The following VPS45 variants were observed in gnomAD, a reference collection of about 807,000 sequenced individuals.
VPS45 encodes the protein vacuolar protein sorting 45 homolog.
Under a neutral mutation model 75.9 loss-of-function variants are expected in VPS45, and 35 were observed. That is an observed-to-expected ratio of 0.46 (90% CI 0.35 to 0.61). The LOEUF (loss-of-function observed/expected upper bound fraction) is 0.61. Among genes scored for constraint, VPS45 ranks in the 20% least tolerant of loss-of-function variants. VPS45 has a pLI of 0.00. For missense variants in VPS45, 559 were observed against 685.9 expected (o/e 0.81, Z 2.07); for synonymous variants, 220 against 238.2 (o/e 0.92, Z 0.70).
chr1:150,118,155 G>A (rs1345524751), intron 14 of VPS45, among the ~76,000 whole-genome samples: 1 of 149,864 alleles, frequency 6.7e-6, no homozygotes, highest in African/African-American at 2.4e-5. Flanking sequence ...GTGATGGTGT[G>A]TGCCTGTAAT....
intron 10 of VPS45, among the ~76,000 whole-genome samples, chr1:150,089,361 A>G (rs1201598787): frequency 6.6e-6 from 1 of 151,976 alleles, no homozygotes; most frequent in Non-Finnish European, 1.5e-5. Context: ...ATTTTTTAAA[A>G]TTTTTATTTA....
At chr1:150,118,974 G>C (rs1186666077) in intron 14 of VPS45, among the ~76,000 whole-genome samples, 1 of 152,132 alleles carries the variant, frequency 6.6e-6, no homozygotes, top group Non-Finnish European at 1.5e-5. Context: ...AATATTAGTT[G>C]ATTTTTGCAA....
chr1:150,069,746 G>A lies in VPS45; in HGVS notation c.228+982G>A, dbSNP rs904664495. ...GCTGGGATTACAGGCGGGAGCCACC[G>A]TGCCCGGCTGTTATACTTTCTTGAT... On this transcript the variant is annotated intron_variant, in intron 2 of 14. Coordinates refer to ENST00000644510, the MANE Select transcript of VPS45 (RefSeq NM_007259.5). Among the ~76,000 whole-genome samples the A allele has an allele frequency of 5.3e-4, 80 of 152,078 alleles. 1 individual carries two copies. Among genetic ancestry groups the A allele is most frequent in the Non-Finnish European group, 2.2e-4 (15 of 68,018 alleles).
intron 13 of VPS45, among the ~76,000 whole-genome samples, chr1:150,108,611 CA>C (rs1214230279): frequency 1.4e-4 from 21 of 152,084 alleles, no homozygotes; most frequent in African/African-American, 4.6e-4. Flanking sequence ...GGGAAAAAAT[CA>C]AATATGAAAT....
intron 14 of VPS45, among the ~76,000 whole-genome samples, chr1:150,128,360 T>C (rs1265934916): frequency 6.6e-6 from 1 of 151,988 alleles, no homozygotes; most frequent in East Asian, 1.9e-4. Flanking sequence ...TTCATAACTA[T>C]CTGAAATGAT....
rs1659586702 is a variant in VPS45, at chr1:150,144,835, C to A, written c.*39C>A. 1 of 1,613,252 alleles carries A rather than the reference C, an allele frequency of 6.2e-7. No individual in the cohort carries two copies. On this transcript the variant is annotated 3_prime_UTR_variant, in exon 15 of 15. Coordinates refer to ENST00000644510, the MANE Select transcript of VPS45 (RefSeq NM_007259.5). ...GGAAGGGCACAGCTTCCTCTCTTGTCCCCACTACAGGTTTTCCCTACTAAA... is the reference window on the plus strand; with the variant it reads ...GGAAGGGCACAGCTTCCTCTCTTGTACCCACTACAGGTTTTCCCTACTAAA...
intron 14 of VPS45, among the ~76,000 whole-genome samples, chr1:150,140,567 T>C (rs1299930191): frequency 6.6e-6 from 1 of 151,764 alleles, no homozygotes; most frequent in Non-Finnish European, 1.5e-5. Context: ...ATAAATTCCA[T>C]GAGAGCAGAG....
Position 150,129,332 on chromosome 1 carries a change from A to G in VPS45, c.1626-15377A>G, listed in dbSNP as rs193018301. ...CCAATTTGTTTGTGCACTGTAACGTATATTTTTTAATTAAAAAAATAGCTT... is the reference window on the plus strand; with the variant it reads ...CCAATTTGTTTGTGCACTGTAACGTGTATTTTTTAATTAAAAAAATAGCTT... On this transcript the variant is annotated intron_variant, in intron 14 of 14. Transcript: ENST00000644510. Among the ~76,000 whole-genome samples, 1,083 of 152,272 alleles carry G rather than the reference A, an allele frequency of 7.1e-3. 6 individuals carry two copies. Among genetic ancestry groups the G allele is most frequent in the Non-Finnish European group, 0.011 (771 of 68,022 alleles).
chr1:150,126,205 G>T (rs1658509094), intron 14 of VPS45, among the ~76,000 whole-genome samples: 1 of 151,482 alleles, frequency 6.6e-6, no homozygotes, highest in Non-Finnish European at 1.5e-5. Flanking sequence ...TTGTTGTTGG[G>T]TTTTTGTTTT....
At chr1:150,093,991 T>C (rs924753063) in intron 13 of VPS45, among the ~76,000 whole-genome samples, 7 of 152,232 alleles carry the variant, frequency 4.6e-5, no homozygotes, top group Non-Finnish European at 1.0e-4. Flanking sequence ...GCTGCTTGAT[T>C]GCCATCCAGA....
chr1:150,140,769 C>T (rs587638915), intron 14 of VPS45, among the ~76,000 whole-genome samples: 47 of 152,176 alleles, frequency 3.1e-4, no homozygotes, highest in African/African-American at 1.1e-3. Context: ...TATCCTTGTG[C>T]CCCTAAAAGC....
At chr1:150,093,686 T>C (rs781907418) in intron 13 of VPS45, 38 bp downstream of exon 13, 2 of 1,591,798 alleles carry the variant, frequency 1.3e-6, no homozygotes, top group East Asian at 4.5e-5. Flanking sequence ...AAGCCAGAAA[T>C]ACTGAACAAA....
chr1:150,130,584 T>A (rs1658781862), intron 14 of VPS45, among the ~76,000 whole-genome samples: 2 of 152,192 alleles, frequency 1.3e-5, no homozygotes, highest in South Asian at 4.1e-4. Context: ...AACTGAATTA[T>A]ATTCTATTAA....
At position 150,077,719 on chromosome 1, in the gene VPS45, T is replaced by C; in HGVS notation, c.627T>C (p.Val209=). 6.2e-7 allele frequency: 1 copy of C among 1,614,104 alleles called. No individual in the cohort carries two copies. The highest frequency in any genetic ancestry group is 1.3e-5 in the African/African-American group (1 of 75,060). Residue 209 remains valine, a synonymous_variant, in exon 7 of 15, where the codon GTT becomes GTC. Transcript: ENST00000644510. The part of the protein sequence containing the change: ...YELFEFRRTE[V]PPLLLILDRC... Reference sequence around the variant, plus strand: ...TGTTTGAATTCCGTCGGACAGAGGTTCCTCCATTGCTCCTTATTTTAGATC... The same window carrying C: ...TGTTTGAATTCCGTCGGACAGAGGTCCCTCCATTGCTCCTTATTTTAGATC...
At chr1:150,107,320 T>A (rs781925964) in intron 13 of VPS45, among the ~76,000 whole-genome samples, 1 of 152,182 alleles carries the variant, frequency 6.6e-6, no homozygotes, top group Non-Finnish European at 1.5e-5. Context: ...ATGTCCTTTT[T>A]CTCAAACCTA....
intron 14 of VPS45, among the ~76,000 whole-genome samples, chr1:150,120,074 C>T (rs1658154888): frequency 6.6e-6 from 1 of 151,310 alleles, no homozygotes; most frequent in Non-Finnish European, 1.5e-5. Context: ...CGCCATCGCA[C>T]TCCAGCCTGG....
intron 14 of VPS45, 68 bp from the exon 15 acceptor site, chr1:150,144,641 G>A (rs923377430): frequency 1.2e-5 from 17 of 1,390,266 alleles, no homozygotes; most frequent in Non-Finnish European, 4.0e-6. Flanking sequence ...TAGATGTCCA[G>A]AGCAAGACAT....
chr1:150,125,247 G>A (rs190780028), intron 14 of VPS45, among the ~76,000 whole-genome samples: 2 of 150,754 alleles, frequency 1.3e-5, no homozygotes, highest in African/African-American at 2.4e-5. Context: ...TAGCATAACA[G>A]CACATCAAAC....
Position 150,081,584 on chromosome 1 carries a change from A to G in VPS45, c.822+108A>G, listed in dbSNP as rs587726434. The G allele has an allele frequency of 7.0e-6, 9 of 1,279,564 alleles. No homozygotes were observed. In the East Asian group the frequency reaches 2.0e-4, roughly 28 times the overall value. 79.3% of individuals were successfully genotyped at this position (1,279,564 alleles called of 1,614,324 possible). A position where few individuals can be genotyped will look rare whatever the true frequency, so the allele number is the denominator to read the frequency against. ...GCATGGGATTTCATGTGAAAGGATG[A>G]TAGGGGCATCCTGTGCATAAACTGC... On this transcript the variant is annotated intron_variant, in intron 8 of 14. Coordinates refer to ENST00000644510, the MANE Select transcript of VPS45 (RefSeq NM_007259.5).
Sources: gnomAD v4.1 joint callset for allele counts (sites outside exome capture counted in the v4.1 genomes callset) on GRCh38, gnomAD v4.1.1 for gene constraint, MANE v1.5 for transcripts, NCBI Gene and HGNC (gene_info 2026-07-23, HGNC 2026-07-21) for gene names.